Variants in CCDC24 observed in about 807,000 individuals in gnomAD.
CCDC24 encodes the protein coiled-coil domain containing 24, also known as coiled-coil domain-containing protein 24.
In CCDC24, 34 loss-of-function variants were observed where a neutral mutation model predicts 31.6. The observed-to-expected ratio is 1.08, with a 90% CI of 0.82 to 1.43. CCDC24 has a LOEUF of 1.43. CCDC24 is among the 40% of genes most tolerant of loss of function. The pLI is 0.00. For synonymous variants in CCDC24, 175 were observed against 157.3 expected (o/e 1.11, Z -0.84); for missense variants, 426 against 391.1 (o/e 1.09, Z -0.75).
intron 5 of CCDC24, 135 bp from the exon 6 acceptor site, chr1:43,994,950 TGCTGGGTCAGCCCCCAAGCAGCA>T: frequency 1.5e-6 from 1 of 653,366 alleles, no homozygotes; most frequent in African/African-American, 1.8e-5. Flanking sequence ...CAGACGTCTA[TGCTGGGTCAGCCCCCAAGCAGCA>T]GAGGGCAGTG....
intron 4 of CCDC24, 105 bp downstream of exon 4, chr1:43,992,744 G>A: frequency 9.9e-7 from 1 of 1,009,340 alleles, no homozygotes; most frequent in Non-Finnish European, 1.5e-6. Context: ...GTCACGGGCT[G>A]GGCACTTCCA....
At position 43,992,305 on chromosome 1, in the gene CCDC24, C is replaced by T. The variant is rs763229790; in HGVS notation, c.220C>T (p.Pro74Ser). The T allele has an allele frequency of 6.2e-7, 1 of 1,614,226 alleles. No individual in the cohort carries two copies. Among genetic ancestry groups the T allele is most frequent in the Non-Finnish European group, 8.5e-7 (1 of 1,180,046 alleles). Residue 74 changes from proline (P) to serine (S), a missense_variant, in exon 3 of 9, where the codon CCG becomes TCG. By Grantham distance (74) the Pro-to-Ser change is moderately conservative (BLOSUM62 -1). Transcript: ENST00000372318. Reference protein sequence around the residue: ...ISDPSSLLAPPPLLKDLLRQE... With the variant: ...ISDPSSLLAPSPLLKDLLRQE... ...TGACCCCTCTTCTCTTCTGGCACCA[C>T]CGCCTCTCCTAAAGGACCTCTTGCG...
In CCDC24 at chr1:43,992,274, C is replaced by CA; in HGVS notation, c.190dup (p.Ile64AsnfsTer3). On this transcript the variant is annotated frameshift_variant, in exon 3 of 9. Transcript: ENST00000372318. LOFTEE classifies it high-confidence loss of function. ...CCTCTCAAGCCCCCAGCTCCCGCCC[C>CA]ATCTCTGACCCCTCTTCTCTTCTGG... is the stretch of plus-strand genomic sequence containing the variant. The CA allele has an allele frequency of 6.2e-7, 1 of 1,614,174 alleles. No homozygotes were observed. The highest frequency in any genetic ancestry group is 1.1e-5 in the South Asian group (1 of 91,082).
rs765423258 is a variant in CCDC24, at chr1:43,995,675, G to A, written c.622+5G>A. On this transcript the variant is annotated splice_donor_5th_base_variant and intron_variant, in intron 7 of 8. Coordinates refer to ENST00000372318, the MANE Select transcript of CCDC24 (RefSeq NM_152499.4). The surrounding 1 kb of genome is among the most constrained non-coding windows in gnomAD (Gnocchi z 4.3). ...CCCTGGAGCCCACCCTGGCAGGTGA[G>A]GACACGGAGCAGGGCCCAGAACACC... 2 of 1,613,638 alleles carry A rather than the reference G, an allele frequency of 1.2e-6. No homozygotes were observed. The highest frequency in any genetic ancestry group is 1.7e-5 in the Admixed American group (1 of 59,936).
At position 43,995,296 on chromosome 1, in the gene CCDC24, G is replaced by A; in HGVS notation, c.552+134G>A. The A allele has an allele frequency of 2.0e-6, 2 of 980,914 alleles. No individual in the cohort carries two copies. The highest frequency in any genetic ancestry group is 3.0e-5 in the South Asian group (2 of 66,600). 60.8% of individuals were successfully genotyped at this position (980,914 alleles called of 1,614,324 possible). On this transcript the variant is annotated intron_variant, in intron 6 of 8. Coordinates refer to ENST00000372318, the MANE Select transcript of CCDC24 (RefSeq NM_152499.4). This position sits in a 1 kb window ranked among gnomAD's most constrained non-coding sequence, Gnocchi z 4.3. ...GTGAGTCCTGCATCCATTTCTCAGG[G>A]GTGCATGCTTGTGTGCACCTGCAAA...
rs962399223 is a variant in CCDC24, at chr1:43,996,088, G to A, written c.852G>A (p.Gln284=). 6.2e-7 allele frequency: 1 copy of A among 1,613,958 alleles called. No homozygotes were observed. The highest frequency in any genetic ancestry group is 1.3e-5 in the African/African-American group (1 of 75,068). The part of the protein sequence containing the change: ...GQSATHRWGR[Q]LQCSPREGPA... ...CGGCTACCCACCGCTGGGGACGGCA[G>A]CTTCAGTGCAGCCCCAGGGAAGGGC... The change falls in exon 9 of 9, where the codon CAG becomes CAA. Residue 284 remains glutamine, a synonymous_variant. Coordinates refer to ENST00000372318, the MANE Select transcript of CCDC24 (RefSeq NM_152499.4).
Position 43,996,085 on chromosome 1 carries a change from G to A in CCDC24, c.849G>A (p.Arg283=). The change falls in exon 9 of 9, where the codon CGG becomes CGA. Residue 283 remains arginine, a synonymous_variant. Coordinates refer to ENST00000372318, the MANE Select transcript of CCDC24 (RefSeq NM_152499.4). Reference sequence around the variant, plus strand: ...AGTCGGCTACCCACCGCTGGGGACGGCAGCTTCAGTGCAGCCCCAGGGAAG... The same window carrying A: ...AGTCGGCTACCCACCGCTGGGGACGACAGCTTCAGTGCAGCCCCAGGGAAG... ...RGQSATHRWG[R]QLQCSPREGP... is the part of the protein sequence containing the mutation. 6.2e-7 allele frequency: 1 copy of A among 1,613,970 alleles called. No individual in the cohort carries two copies. Among genetic ancestry groups the A allele is most frequent in the Non-Finnish European group, 8.5e-7 (1 of 1,179,990 alleles).
chr1:43,992,722 C>G (rs2085769722), intron 4 of CCDC24, 83 bp downstream of exon 4: 1 of 1,217,608 alleles, frequency 8.2e-7, no homozygotes, highest in Non-Finnish European at 1.2e-6. Flanking sequence ...TGGCTCCATG[C>G]AGGAGATTCC....
In CCDC24 at chr1:43,991,652, T is replaced by C. The variant is rs1227538573; in HGVS notation, c.-127T>C. ...CTGCCTGGTTTCTGGGCCCCCGGCA[T>C]CCGAGTCGGCCAAAAGCCGGGCAGA... is the stretch of plus-strand genomic sequence containing the variant. On this transcript the variant is annotated 5_prime_UTR_variant, in exon 1 of 9. Coordinates refer to ENST00000372318, the MANE Select transcript of CCDC24 (RefSeq NM_152499.4). The C allele has an allele frequency of 7.0e-6, 5 of 715,680 alleles. No individual in the cohort carries two copies. In the Admixed American group the frequency reaches 1.0e-4, roughly 14 times the overall value. The allele number at this position is 715,680 out of a possible 1,614,324, so 44.3% of individuals were successfully genotyped here.
chr1:43,995,076 C>G lies in CCDC24; in HGVS notation c.498-32C>G, dbSNP rs757305717. 2 of 1,560,398 alleles carry G rather than the reference C, an allele frequency of 1.3e-6. No homozygotes were observed. The highest frequency in any genetic ancestry group is 2.4e-5 in the East Asian group (1 of 41,834). ...TCAGCTGAGCCCTGGTCCTGTGTCT[C>G]GGGTTCTGGCTGCTGCTCCCTCATG... On this transcript the variant is annotated intron_variant, in intron 5 of 8. Transcript: ENST00000372318. This position sits in a 1 kb window ranked among gnomAD's most constrained non-coding sequence, Gnocchi z 4.3.
chr1:43,992,100 G>C, intron 2 of CCDC24, 96 bp downstream of exon 2: 1 of 1,508,738 alleles, frequency 6.6e-7, no homozygotes, highest in Non-Finnish European at 8.9e-7. Flanking sequence ...GGTAACTCCC[G>C]AGATCCTATC....
intron 4 of CCDC24, among the ~76,000 whole-genome samples, chr1:43,992,898 A>T (rs1000913421): frequency 1.3e-5 from 2 of 152,196 alleles, no homozygotes; most frequent in African/African-American, 2.4e-5. Context: ...TTTCAGGGAG[A>T]TGAAAGAGAA....
Position 43,993,890 on chromosome 1 carries a change from C to T in CCDC24, c.423C>T (p.Ser141=), listed in dbSNP as rs760136360. ...GTGATAGTGACTTCATTGCCAGCAG[C>T]GGTCACAGAGATCTCAGCATCATCA... ...IFQMRGGGPS[S]GHRDLSIIKD... Residue 141 remains serine (S), a synonymous_variant, in exon 5 of 9, where the codon AGC becomes AGT. Coordinates refer to ENST00000372318, the MANE Select transcript of CCDC24 (RefSeq NM_152499.4). 2.0e-5 allele frequency: 32 copies of T among 1,613,926 alleles called. No individual in the cohort carries two copies. The highest frequency in any genetic ancestry group is 1.1e-4 in the African/African-American group (8 of 74,910).
At chr1:43,992,692 GC>G in intron 4 of CCDC24, 53 bp downstream of exon 4, 8 of 1,547,652 alleles carry the variant, frequency 5.2e-6, no homozygotes, top group African/African-American at 1.4e-5. Context: ...GAGGGCCCTA[GC>G]CCACTGGTGG....
chr1:43,995,460 T>G lies in CCDC24; in HGVS notation c.553-141T>G, dbSNP rs1259987138. ...AAACTCAGCTCTTCCGCAAGGCTGGTATTCCCTGGGGAACGTGGCTGCCCT... is the reference window on the plus strand; with the variant it reads ...AAACTCAGCTCTTCCGCAAGGCTGGGATTCCCTGGGGAACGTGGCTGCCCT... On this transcript the variant is annotated intron_variant, in intron 6 of 8. Transcript: ENST00000372318. This position sits in a 1 kb window ranked among gnomAD's most constrained non-coding sequence, Gnocchi z 4.3. The G allele has an allele frequency of 3.3e-6, 3 of 913,504 alleles. No individual in the cohort carries two copies. The East Asian group carries it at 8.0e-5, about 24-fold the overall frequency. 56.6% of individuals were successfully genotyped at this position (913,504 alleles called of 1,614,324 possible). A position where few individuals can be genotyped will look rare whatever the true frequency, so the allele number is the denominator to read the frequency against.
Position 43,995,720 on chromosome 1 carries a change from C to G in CCDC24, c.622+50C>G. On this transcript the variant is annotated intron_variant, in intron 7 of 8. Coordinates refer to ENST00000372318, the MANE Select transcript of CCDC24 (RefSeq NM_152499.4). This position sits in a 1 kb window ranked among gnomAD's most constrained non-coding sequence, Gnocchi z 4.3. The stretch of plus-strand genomic sequence containing the variant: ...AACACCCAGCCTCCTGCTCCCACCC[C>G]ACACTTGTACACACCCTAGAAGAGC... 1.9e-6 allele frequency: 3 copies of G among 1,612,608 alleles called. No homozygotes were observed. The highest frequency in any genetic ancestry group is 2.5e-6 in the Non-Finnish European group (3 of 1,178,810).
Position 43,995,770 on chromosome 1 carries a change from T to C in CCDC24, c.623-8T>C. On this transcript the variant is annotated splice_polypyrimidine_tract_variant and splice_region_variant and intron_variant, in intron 7 of 8. Coordinates refer to ENST00000372318, the MANE Select transcript of CCDC24 (RefSeq NM_152499.4). This position sits in a 1 kb window ranked among gnomAD's most constrained non-coding sequence, Gnocchi z 4.3. ...CTGGGCACTGTCTCAGCCCAATCTC[T>C]CCTTCAGAGCTAAAGGAACAGAAGA... 2.5e-6 allele frequency: 4 copies of C among 1,614,144 alleles called. No homozygotes were observed. The East Asian group carries it at 8.9e-5, about 36-fold the overall frequency.
Position 43,995,897 on chromosome 1 carries a change from G to A in CCDC24, c.701+41G>A, listed in dbSNP as rs1347854825. The A allele has an allele frequency of 1.9e-6, 3 of 1,612,876 alleles. No individual in the cohort carries two copies. The highest frequency in any genetic ancestry group is 1.1e-5 in the South Asian group (1 of 91,060). On this transcript the variant is annotated intron_variant, in intron 8 of 8. Transcript: ENST00000372318. The surrounding 1 kb of genome is among the most constrained non-coding windows in gnomAD (Gnocchi z 4.3). ...AGACACAGGGCAGGGTGGACTGAAG[G>A]ATCAGACCACCACCCCTCACAGTTA...
At chr1:43,994,235 C>T (rs1263505530) in intron 5 of CCDC24, 4 of 432,386 alleles carry the variant, frequency 9.3e-6, no homozygotes, top group African/African-American at 2.0e-5. Context: ...CATTTGGGCC[C>T]AGGAATTCGA....
Sources: allele counts gnomAD v4.1 joint callset (sites outside exome capture counted in the v4.1 genomes callset), GRCh38; gene constraint gnomAD v4.1.1; non-coding constraint Gnocchi (gnomAD v3.1); transcripts MANE v1.5; gene names NCBI Gene and HGNC (gene_info 2026-07-23, HGNC 2026-07-21).